CCDC187: variants seen among roughly 807,000 people sequenced by gnomAD.
The protein encoded by CCDC187 is coiled-coil domain containing 187, also known as coiled-coil domain-containing protein 187.
Under a neutral mutation model 38.0 loss-of-function variants are expected in CCDC187, and 32 were observed. That is an observed-to-expected ratio of 0.84 (90% CI 0.64 to 1.13). The LOEUF (loss-of-function observed/expected upper bound fraction) is 1.13. CCDC187 is among the 50% of genes most tolerant of loss of function. The probability of loss-of-function intolerance (pLI) is 0.00; values close to 1 mark genes in which losing one functional copy is unlikely to be tolerated. For synonymous variants in CCDC187, 333 were observed against 347.9 expected (o/e 0.96, Z 0.48); for missense variants, 707 against 786.8 (o/e 0.90, Z 1.21).
chr9:136,298,182 G>A (rs1238640444), intron 3 of CCDC187, among the ~76,000 whole-genome samples: 3 of 152,212 alleles, frequency 2.0e-5, no homozygotes, highest in Non-Finnish European at 4.4e-5. Context: ...GCACCCAGCT[G>A]GGGGCCCGGG....
intron 9 of CCDC187, among the ~76,000 whole-genome samples, chr9:136,285,286 G>A (rs932668042): frequency 6.6e-6 from 1 of 152,164 alleles, no homozygotes; most frequent in Non-Finnish European, 1.5e-5. Flanking sequence ...TTCGTGGGGG[G>A]AGTGTCTGAC....
Position 136,268,460 on chromosome 9 carries a change from C to T in CCDC187, c.3443-335G>A, listed in dbSNP as rs187817977. 5.1e-3 allele frequency among the ~76,000 whole-genome samples: 783 copies of T among 152,202 alleles called. 3 individuals carry two copies. The highest frequency in any genetic ancestry group is 7.5e-3 in the Non-Finnish European group (511 of 68,002). ...AGGCCCAGAGAGGGAGAAGGGCTGT[C>T]GGGGTCTAGCACCAAGGAGCTGGCA... is the stretch of plus-strand genomic sequence containing the variant. On this transcript the variant is annotated intron_variant, in intron 14 of 25. Coordinates refer to ENST00000638797, the MANE Select transcript of CCDC187 (RefSeq NM_001378188.1).
intron 2 of CCDC187, 30 bp downstream of exon 2, chr9:136,302,782 C>T: frequency 2.5e-6 from 1 of 399,196 alleles, no homozygotes; most frequent in East Asian, 3.6e-5. Context: ...CGCAGCCCTC[C>T]TGCCCCTCTC....
chr9:136,251,282 C>T lies in CCDC187; in HGVS notation c.*2312G>A. 3.0e-6 allele frequency: 1 copy of T among 330,230 alleles called. No homozygotes were observed. The highest frequency in any genetic ancestry group is 6.0e-6 in the Non-Finnish European group (1 of 165,328). The allele number at this position is 330,230 out of a possible 1,614,324, so 20.5% of individuals were successfully genotyped here. Reference sequence around the variant, plus strand: ...AGTCCATGGCACCAGGAGAAATCAGCTGCCCTGGCCTTCCAGGCACAGCAA... The same window carrying T: ...AGTCCATGGCACCAGGAGAAATCAGTTGCCCTGGCCTTCCAGGCACAGCAA... On this transcript the variant is annotated 3_prime_UTR_variant, in exon 26 of 26. Transcript: ENST00000638797.
At position 136,286,164 on chromosome 9, in the gene CCDC187, G is replaced by A. The variant is rs951879155; in HGVS notation, c.2754C>T (p.Gly918=). Residue 918 remains glycine, a synonymous_variant, in exon 8 of 26, where the codon GGC becomes GGT. Coordinates refer to ENST00000638797, the MANE Select transcript of CCDC187 (RefSeq NM_001378188.1). Reference sequence around the variant, plus strand: ...AGCTGGGGCCCCACGACAGTGTCTCGCCGTCCAGGAAGTAGGTCGGGGGCA... The same window carrying A: ...AGCTGGGGCCCCACGACAGTGTCTCACCGTCCAGGAAGTAGGTCGGGGGCA... The part of the protein sequence containing the change: ...PLLPPTYFLD[G]ETLSWGPSWE... The A allele has an allele frequency of 0.024, 9,735 of 398,556 alleles. 143 individuals carry two copies. The highest frequency in any genetic ancestry group is 0.026 in the Non-Finnish European group (5,871 of 226,028). The allele number at this position is 398,556 out of a possible 1,614,324, so 24.7% of individuals were successfully genotyped here.
intron 4 of CCDC187, among the ~76,000 whole-genome samples, chr9:136,295,180 C>T (rs943113886): frequency 2.4e-4 from 37 of 152,312 alleles, no homozygotes; most frequent in African/African-American, 8.2e-4. Context: ...GGGGACCCAG[C>T]GTGGAGGGGA....
chr9:136,270,546 A>G (rs1830823274), intron 14 of CCDC187, among the ~76,000 whole-genome samples: 1 of 152,244 alleles, frequency 6.6e-6, no homozygotes, highest in Non-Finnish European at 1.5e-5. Context: ...TTAAAGAGGA[A>G]CCAGGAGTAT....
chr9:136,293,397 ACT>A (rs1831414017), intron 4 of CCDC187, among the ~76,000 whole-genome samples: 13 of 74,986 alleles, frequency 1.7e-4, no homozygotes, highest in Non-Finnish European at 2.7e-4. Context: ...ATGCTCACAC[ACT>A]CACAAACACT....
Position 136,253,764 on chromosome 9 carries a change from GT to G in CCDC187, c.6063del (p.Gln2022ArgfsTer145). ...GGGTTGGTGTCTTCACCATCACTCT[GT>G]GCTTGGGGAGTGGGAGGAGGTGGGG... is the stretch of plus-strand genomic sequence containing the variant. ...PLPPPPPTPQ[A>X]QSDGEDTNPC... On this transcript the variant is annotated frameshift_variant, in exon 26 of 26. Coordinates refer to ENST00000638797, the MANE Select transcript of CCDC187 (RefSeq NM_001378188.1). LOFTEE classifies it low-confidence loss of function (END_TRUNC). The G allele has an allele frequency of 2.0e-6, 2 of 985,624 alleles. No individual in the cohort carries two copies. Among genetic ancestry groups the G allele is most frequent in the Non-Finnish European group, 2.4e-6 (2 of 830,014 alleles). 61.1% of individuals were successfully genotyped at this position (985,624 alleles called of 1,614,324 possible).
chr9:136,283,080 C>G (rs1230835887), intron 9 of CCDC187, among the ~76,000 whole-genome samples: 1 of 152,202 alleles, frequency 6.6e-6, no homozygotes, highest in African/African-American at 2.4e-5. Flanking sequence ...GAAACCCCGT[C>G]TCTACTAAAA....
rs1246784095 is a variant in CCDC187, at chr9:136,293,453, T to TCACACACACATGCTCA, written c.833-1159_833-1158insTGAGCATGTGTGTGTG. ...CACATGCTCACACACTCACACATGC[T>TCACACACACATGCTCA]CACACTCACACTCACATGCTCACAC... On this transcript the variant is annotated intron_variant, in intron 4 of 25. Coordinates refer to ENST00000638797, the MANE Select transcript of CCDC187 (RefSeq NM_001378188.1). Among the ~76,000 whole-genome samples the TCACACACACATGCTCA allele has an allele frequency of 3.6e-3, 370 of 103,044 alleles. 13 individuals are homozygous for TCACACACACATGCTCA. Among genetic ancestry groups the TCACACACACATGCTCA allele is most frequent in the African/African-American group, 0.014 (352 of 25,826 alleles). The allele number at this position is 103,044 out of a possible 152,430, so 67.6% of individuals were successfully genotyped here.
chr9:136,300,883 G>A lies in CCDC187; in HGVS notation c.626-565C>T, dbSNP rs992225263. On this transcript the variant is annotated intron_variant, in intron 2 of 25. Coordinates refer to ENST00000638797, the MANE Select transcript of CCDC187 (RefSeq NM_001378188.1). ...CCCAAAGTGCTGGGATTACAGGCGT[G>A]AGCCACCGCGCCCAGCCTCAAAAAC... is the stretch of plus-strand genomic sequence containing the variant. Among the ~76,000 whole-genome samples the A allele has an allele frequency of 4.6e-5, 7 of 152,242 alleles. No individual in the cohort carries two copies. The South Asian group carries it at 6.2e-4, about 13-fold the overall frequency.
rs1218727758 is a variant in CCDC187, at chr9:136,286,711, C to T, written c.2223-16G>A. The T allele has an allele frequency of 3.5e-5, 14 of 398,642 alleles. No homozygotes were observed. The highest frequency in any genetic ancestry group is 1.3e-4 in the South Asian group (1 of 7,854). The allele number at this position is 398,642 out of a possible 1,614,324, so 24.7% of individuals were successfully genotyped here. On this transcript the variant is annotated splice_polypyrimidine_tract_variant and intron_variant, in intron 7 of 25. Transcript: ENST00000638797. Reference sequence around the variant, plus strand: ...CAGGCAGAAGCTGCAGGAAGAGAGACGTGGACAGATCAGCTCAGGCTCGGT... The same window carrying T: ...CAGGCAGAAGCTGCAGGAAGAGAGATGTGGACAGATCAGCTCAGGCTCGGT...
chr9:136,288,949 C>T (rs1588667144), intron 7 of CCDC187, among the ~76,000 whole-genome samples: 1 of 152,300 alleles, frequency 6.6e-6, no homozygotes, highest in East Asian at 1.9e-4. Context: ...GGTGTGCACC[C>T]AAGAGAAACA....
intron 10 of CCDC187, chr9:136,280,862 G>A (rs1431962760): frequency 6.6e-6 from 1 of 152,412 alleles, no homozygotes; most frequent in African/African-American, 2.4e-5. Flanking sequence ...TCCAGGGTTA[G>A]GGGTTGGATG....
At position 136,254,455 on chromosome 9, in the gene CCDC187, C is replaced by T; in HGVS notation, c.5373G>A (p.Leu1791=). 1.0e-6 allele frequency: 1 copy of T among 985,408 alleles called. No individual in the cohort carries two copies. The highest frequency in any genetic ancestry group is 1.2e-6 in the Non-Finnish European group (1 of 829,930). The allele number at this position is 985,408 out of a possible 1,614,324, so 61.0% of individuals were successfully genotyped here. The change falls in exon 26 of 26, where the codon CTG becomes CTA. Residue 1791 remains leucine, a synonymous_variant. Transcript: ENST00000638797. ...GGGGCTCCACGCCGCTTCCAAGGCC[C>T]AGTGAGCCACCTGCAGGCAGGGAGC... ...SGSSLPAGGS[L]GLGSGVEPQV... is the part of the protein sequence containing the mutation.
At chr9:136,272,028 A>G (rs1554762483) in intron 14 of CCDC187, among the ~76,000 whole-genome samples, 1 of 152,236 alleles carries the variant, frequency 6.6e-6, no homozygotes, top group South Asian at 2.1e-4. Flanking sequence ...CAATGTCTTC[A>G]AAGTACTGAA....
intron 14 of CCDC187, among the ~76,000 whole-genome samples, chr9:136,270,196 T>G (rs1431639359): frequency 6.6e-6 from 1 of 152,008 alleles, no homozygotes; most frequent in Non-Finnish European, 1.5e-5. Context: ...TCGTAAGAAA[T>G]AAAGACACAA....
intron 9 of CCDC187, 77 bp downstream of exon 9, chr9:136,285,433 GGGC>G: frequency 3.0e-5 from 1 of 32,830 alleles, no homozygotes; most frequent in South Asian, 2.0e-4. Context: ...GCGGGCAGGT[GGGC>G]AGGTGGGCAG....
Sources: gnomAD v4.1 joint callset for allele counts (sites outside exome capture counted in the v4.1 genomes callset) on GRCh38, gnomAD v4.1.1 for gene constraint, MANE v1.5 for transcripts, NCBI Gene and HGNC (gene_info 2026-07-23, HGNC 2026-07-21) for gene names.